The following LYPD6 variants were observed in gnomAD, a reference collection of about 807,000 sequenced individuals.
LYPD6 encodes the protein ly6/PLAUR domain-containing protein 6.
A neutral mutation model predicts 22.7 loss-of-function variants in LYPD6; 15 were observed. That is an observed-to-expected ratio of 0.66 (90% CI 0.44 to 1.02). The LOEUF (loss-of-function observed/expected upper bound fraction) is 1.02, where lower values mean the gene tolerates loss of function less well. Among genes scored for constraint, LYPD6 ranks in the 50% least tolerant of loss-of-function variants. LYPD6 has a pLI of 0.00. For missense variants in LYPD6, 189 were observed against 208.4 expected (o/e 0.91, Z 0.57); for synonymous variants, 72 against 77.5 (o/e 0.93, Z 0.37).
At chr2:149,437,937 T>G (rs944912261) in intron 2 of LYPD6, 111 bp downstream of exon 2, 8 of 1,156,318 alleles carry the variant, frequency 6.9e-6, no homozygotes, top group African/African-American at 1.5e-5. Flanking sequence ...TCCCGTGATT[T>G]AACTGGGGTG....
At chr2:149,442,364 G>A (rs931679758) in intron 2 of LYPD6, among the ~76,000 whole-genome samples, 1 of 152,172 alleles carries the variant, frequency 6.6e-6, no homozygotes, top group African/African-American at 2.4e-5. Context: ...ATGGTCGGTT[G>A]AACTATGGCT....
At chr2:149,436,340 A>G (rs537852968) in intron 1 of LYPD6, among the ~76,000 whole-genome samples, 19 of 152,360 alleles carry the variant, frequency 1.2e-4, no homozygotes, top group African/African-American at 4.1e-4. Context: ...CAATAGAGAT[A>G]ATGGTACTTG....
At chr2:149,345,124 GA>G (rs1423757991) in intron 1 of LYPD6, among the ~76,000 whole-genome samples, 2 of 151,958 alleles carry the variant, frequency 1.3e-5, no homozygotes, top group Non-Finnish European at 2.9e-5. Flanking sequence ...TCTGAAAAAA[GA>G]ATGAATAAAG....
the LYPD6 span, among the ~76,000 whole-genome samples, chr2:149,483,369 A>T: frequency 2.6e-5 from 4 of 152,162 alleles, no homozygotes; most frequent in African/African-American, 7.2e-5. Context: ...TCTCTAATCT[A>T]TGTTGATTGC....
chr2:149,349,247 C>T (rs986130640), intron 1 of LYPD6, among the ~76,000 whole-genome samples: 3 of 151,978 alleles, frequency 2.0e-5, no homozygotes, highest in Admixed American at 6.6e-5. Flanking sequence ...AGCAAATCCT[C>T]GAGAGTGAGG....
chr2:149,424,278 G>A (rs1008854188), intron 1 of LYPD6, among the ~76,000 whole-genome samples: 2 of 152,228 alleles, frequency 1.3e-5, no homozygotes, highest in South Asian at 2.1e-4. Context: ...TAAAATTTAC[G>A]CCCTTAAGGA....
At chr2:149,447,878 A>G (rs1683722741) in intron 2 of LYPD6, among the ~76,000 whole-genome samples, 1 of 152,218 alleles carries the variant, frequency 6.6e-6, no homozygotes, top group Non-Finnish European at 1.5e-5. Context: ...GTTCATGCCT[A>G]TAATCCCAGC....
downstream of LYPD6, among the ~76,000 whole-genome samples, chr2:149,475,792 T>C (rs978373084): frequency 1.3e-5 from 2 of 152,208 alleles, no homozygotes; most frequent in Non-Finnish European, 2.9e-5. Flanking sequence ...TTATATACCT[T>C]GCTTCGGTTA....
chr2:149,428,239 C>T (rs1271920454), intron 1 of LYPD6, among the ~76,000 whole-genome samples: 1 of 152,200 alleles, frequency 6.6e-6, no homozygotes, highest in African/African-American at 2.4e-5. Flanking sequence ...AAGCTAGTGG[C>T]TGGATCCTTT....
chr2:149,331,796 CA>C (rs1252294475), intron 1 of LYPD6, among the ~76,000 whole-genome samples: 1 of 152,166 alleles, frequency 6.6e-6, no homozygotes, highest in Non-Finnish European at 1.5e-5. Flanking sequence ...TTGTGGGAGG[CA>C]AGGGAGTTTA....
At chr2:149,389,727 C>T (rs777389100) in intron 1 of LYPD6, among the ~76,000 whole-genome samples, 5 of 152,140 alleles carry the variant, frequency 3.3e-5, no homozygotes, top group Non-Finnish European at 7.4e-5. Context: ...GTTGATCTCT[C>T]CCTGAGCCAG....
At chr2:149,476,160 A>G (rs548555905), downstream of LYPD6, among the ~76,000 whole-genome samples, 141 of 152,264 alleles carry the variant, frequency 9.3e-4, no homozygotes, top group African/African-American at 3.2e-3. Context: ...GCTCAGAGTA[A>G]TTAAGACATG....
intron 1 of LYPD6, among the ~76,000 whole-genome samples, chr2:149,408,957 A>G (rs758887986): frequency 6.6e-6 from 1 of 152,166 alleles, no homozygotes; most frequent in South Asian, 2.1e-4. Context: ...GTGAGCTGGT[A>G]TGATCTTTTG....
At chr2:149,395,791 A>T (rs1199575521) in intron 1 of LYPD6, among the ~76,000 whole-genome samples, 1 of 152,064 alleles carries the variant, frequency 6.6e-6, no homozygotes, top group African/African-American at 2.4e-5. Context: ...GGTTTCTTTT[A>T]TTCCTATTTT....
rs567728252 is a variant in LYPD6 at position 149,467,137 on chromosome 2, T to C, written c.218-1508T>C. Among the ~76,000 whole-genome samples the C allele has an allele frequency of 5.3e-5, 8 of 152,328 alleles. No individual in the cohort carries two copies. The East Asian group carries it at 1.2e-3, about 22-fold the overall frequency. On this transcript the variant is annotated intron_variant, in intron 3 of 4. Transcript: ENST00000334166. ...ATAGTTTAGGGCTTTGGGATAATTA[T>C]TGCCAGGTAGAAAACTTTCAACTAT...
chr2:149,419,709 A>G (rs1452855497), intron 1 of LYPD6, among the ~76,000 whole-genome samples: 2 of 152,216 alleles, frequency 1.3e-5, no homozygotes, highest in Non-Finnish European at 2.9e-5. Context: ...TCAGATCCCT[A>G]TAAGCATAAA....
chr2:149,469,373 G>A (rs1174472750), intron 4 of LYPD6, among the ~76,000 whole-genome samples: 1 of 152,144 alleles, frequency 6.6e-6, no homozygotes, highest in Non-Finnish European at 1.5e-5. Context: ...AGCCTTGAAG[G>A]GGCATATGGA....
At chr2:149,467,949 A>G (rs1313577978) in intron 3 of LYPD6, among the ~76,000 whole-genome samples, 1 of 152,114 alleles carries the variant, frequency 6.6e-6, no homozygotes, top group Non-Finnish European at 1.5e-5. Flanking sequence ...AACTCCCATC[A>G]TGGTCTTCAT....
intron 1 of LYPD6, among the ~76,000 whole-genome samples, chr2:149,347,425 C>T (rs1470897879): frequency 6.6e-6 from 1 of 152,196 alleles, no homozygotes; most frequent in Admixed American, 6.5e-5. Context: ...TCATCTCTCT[C>T]TGGCGTTCCC....
Sources: gnomAD v4.1 joint callset for allele counts (sites outside exome capture counted in the v4.1 genomes callset) on GRCh38, gnomAD v4.1.1 for gene constraint, MANE v1.5 for transcripts, NCBI Gene and HGNC (gene_info 2026-07-23, HGNC 2026-07-21) for gene names.